ANKRD62: variants seen among roughly 807,000 people sequenced by gnomAD.
ANKRD62 encodes the protein ankyrin repeat domain-containing protein 62.
ANKRD62 carries 61 observed loss-of-function variants against 98.8 expected under a neutral mutation model. The observed-to-expected ratio is 0.62, with a 90% CI of 0.50 to 0.76. The LOEUF (loss-of-function observed/expected upper bound fraction) is 0.76. Ranked by LOEUF, ANKRD62 falls within the 30% of genes least tolerant of loss-of-function variation. ANKRD62 has a pLI of 0.00. For missense variants in ANKRD62, 933 were observed against 1,082.9 expected, an observed-to-expected ratio of 0.86 and a Z score of 1.94; for synonymous variants, 341 against 367.9, an observed-to-expected ratio of 0.93 and a Z score of 0.84.
chr18:12,130,154 A>C (rs1233734973), downstream of ANKRD62, among the ~76,000 whole-genome samples: 3 of 152,118 alleles, frequency 2.0e-5, no homozygotes, highest in South Asian at 2.1e-4. Flanking sequence ...GAAATGCATA[A>C]ATTTTCTACA....
the ANKRD62 span, among the ~76,000 whole-genome samples, chr18:12,141,024 T>A: frequency 2.0e-5 from 3 of 152,262 alleles, no homozygotes; most frequent in Non-Finnish European, 4.4e-5. Flanking sequence ...TCCTGGCTGC[T>A]TTGTTTACCT....
the ANKRD62 span, among the ~76,000 whole-genome samples, chr18:12,145,803 G>A: frequency 1.1e-4 from 16 of 151,972 alleles, no homozygotes; most frequent in African/African-American, 3.1e-4. Context: ...GTACAGCACA[G>A]CAGAGCTGTT....
intron 8 of ANKRD62, among the ~76,000 whole-genome samples, chr18:12,113,857 C>T (rs939747058): frequency 7.2e-5 from 11 of 152,094 alleles, no homozygotes; most frequent in Non-Finnish European, 1.3e-4. Context: ...CATTGCAGTA[C>T]TATTCACAAT....
Position 12,107,474 on chromosome 18 carries a change from C to G in ANKRD62, c.1064+7C>G. 1 of 1,482,980 alleles carries G rather than the reference C, an allele frequency of 6.7e-7. No individual in the cohort carries two copies. Among genetic ancestry groups the G allele is most frequent in the South Asian group, 1.4e-5 (1 of 73,832 alleles). The allele number at this position is 1,482,980 out of a possible 1,614,324, so 91.9% of individuals were successfully genotyped here. A position where few individuals can be genotyped will look rare whatever the true frequency, so the allele number is the denominator to read the frequency against. ...AGAATGGCGAGTTTGATAGGTAATCCTGTAGCGATAGTTAACAGCGGATCA... is the reference window on the plus strand; with the variant it reads ...AGAATGGCGAGTTTGATAGGTAATCGTGTAGCGATAGTTAACAGCGGATCA... On this transcript the variant is annotated splice_region_variant and intron_variant, in intron 8 of 13. Transcript: ENST00000587848.
intron 7 of ANKRD62, among the ~76,000 whole-genome samples, chr18:12,103,931 A>G (rs1195630721): frequency 1.3e-5 from 2 of 152,144 alleles, no homozygotes; most frequent in Non-Finnish European, 2.9e-5. Flanking sequence ...ATCATATTAC[A>G]GTATATAATT....
chr18:12,145,967 T>C, the ANKRD62 span, among the ~76,000 whole-genome samples: 1 of 151,904 alleles, frequency 6.6e-6, no homozygotes, highest in Non-Finnish European at 1.5e-5. Context: ...CGCACCAGTG[T>C]TCCTTGGCCG....
intron 4 of ANKRD62, 30 bp from the exon 5 acceptor site, chr18:12,097,610 C>G (rs778397724): frequency 4.0e-6 from 6 of 1,515,540 alleles, no homozygotes; most frequent in Non-Finnish European, 5.3e-6. Flanking sequence ...GCTAAAGTTC[C>G]TAAGCATGAA....
chr18:12,107,990 A>C (rs1012419571), intron 8 of ANKRD62, among the ~76,000 whole-genome samples: 3 of 152,322 alleles, frequency 2.0e-5, no homozygotes, highest in Middle Eastern at 3.4e-3. Flanking sequence ...GCGTGCATAC[A>C]TATATATGGT....
At chr18:12,131,571 A>T (rs1388559357), downstream of ANKRD62, among the ~76,000 whole-genome samples, 2 of 152,094 alleles carry the variant, frequency 1.3e-5, no homozygotes, top group Non-Finnish European at 2.9e-5. Context: ...GTCAGCTTGC[A>T]CGCTGAAACT....
intron 1 of ANKRD62, among the ~76,000 whole-genome samples, 179 bp from the exon 2 acceptor site, chr18:12,094,992 C>T (rs75016272): frequency 0.036 from 5,424 of 151,482 alleles, 330 homozygotes; most frequent in African/African-American, 0.12. Context: ...GGGCTTTCTA[C>T]CCTGGCAGCC....
At chr18:12,094,331 C>T (rs1909117490) in intron 1 of ANKRD62, 96 bp downstream of exon 1, 7 of 247,194 alleles carry the variant, frequency 2.8e-5, no homozygotes, top group Non-Finnish European at 3.8e-5. Flanking sequence ...GGGGTGAAGG[C>T]GTGGGTGGGG....
At chr18:12,135,263 A>G in the ANKRD62 span, among the ~76,000 whole-genome samples, 3 of 135,896 alleles carry the variant, frequency 2.2e-5, no homozygotes, top group East Asian at 2.2e-4. Flanking sequence ...TCATTGTTCA[A>G]TTCCCACCTA....
chr18:12,172,367 G>A, the ANKRD62 span, among the ~76,000 whole-genome samples: 84 of 152,296 alleles, frequency 5.5e-4, no homozygotes, highest in African/African-American at 2.0e-3. Flanking sequence ...TAACAGTCAG[G>A]TCCCTCAGCT....
the ANKRD62 span, among the ~76,000 whole-genome samples, chr18:12,172,937 A>G: frequency 6.6e-6 from 1 of 152,198 alleles, no homozygotes; most frequent in Admixed American, 6.5e-5. Flanking sequence ...CTGGTGTGCC[A>G]TTTGCTAAGA....
rs562855921 is a variant in ANKRD62, at chr18:12,120,282, T to G, written c.1241-2021T>G. 1.8e-4 allele frequency among the ~76,000 whole-genome samples: 28 copies of G among 152,320 alleles called. 1 individual carries two copies. The East Asian group carries it at 5.2e-3, about 28-fold the overall frequency. The stretch of plus-strand genomic sequence containing the variant: ...AATTGTCTATTTCTTTTTATAGTTC[T>G]ATCTACTTTGGCCTCATGTACTTTG... On this transcript the variant is annotated intron_variant, in intron 10 of 13. Transcript: ENST00000587848.
At chr18:12,152,539 A>G in the ANKRD62 span, among the ~76,000 whole-genome samples, 1 of 152,188 alleles carries the variant, frequency 6.6e-6, no homozygotes, top group African/African-American at 2.4e-5. Context: ...CACACCCTTC[A>G]TGTTAAAAAC....
At chr18:12,140,073 T>C in the ANKRD62 span, among the ~76,000 whole-genome samples, 1 of 152,206 alleles carries the variant, frequency 6.6e-6, no homozygotes, top group Non-Finnish European at 1.5e-5. Flanking sequence ...TCTAAACTTT[T>C]CTTCACGCTT....
At chr18:12,106,351 A>G (rs1482029031) in intron 7 of ANKRD62, among the ~76,000 whole-genome samples, 3 of 152,208 alleles carry the variant, frequency 2.0e-5, no homozygotes, top group Non-Finnish European at 1.5e-5. Flanking sequence ...CGAGTTTTAA[A>G]GATAGACAAA....
At position 12,095,166 on chromosome 18, in the gene ANKRD62, C is replaced by T; in HGVS notation, c.219-5C>T. The T allele has an allele frequency of 6.5e-7, 1 of 1,535,872 alleles. No individual in the cohort carries two copies. The highest frequency in any genetic ancestry group is 1.4e-5 in the African/African-American group (1 of 73,088). On this transcript the variant is annotated splice_polypyrimidine_tract_variant and splice_region_variant and intron_variant, in intron 1 of 13. Coordinates refer to ENST00000587848, the MANE Select transcript of ANKRD62 (RefSeq NM_001277333.2). ...ATTGCCTAAAGCGACCTCTCATTCT[C>T]ACAGGACTGCTCTACTTTTGGCGTG...
Sources: gnomAD v4.1 joint callset for allele counts (sites outside exome capture counted in the v4.1 genomes callset) on GRCh38, gnomAD v4.1.1 for gene constraint, MANE v1.5 for transcripts, NCBI Gene and HGNC (gene_info 2026-07-23, HGNC 2026-07-21) for gene names.